POTEF: variants seen among roughly 807,000 people sequenced by gnomAD.
POTEF encodes POTE ankyrin domain family member F, also known as ANKRD26-like family C member 1B.
A neutral mutation model predicts 83.2 loss-of-function variants in POTEF; 20 were observed. The ratio of observed to expected loss-of-function variants is 0.24; its 90% CI spans 0.17 to 0.35. The LOEUF (loss-of-function observed/expected upper bound fraction) is 0.35, where lower values mean the gene tolerates loss of function less well. Among genes scored for constraint, POTEF ranks in the 10% least tolerant of loss-of-function variants. The probability of loss-of-function intolerance (pLI) is 1.00; values close to 1 mark genes in which losing one functional copy is unlikely to be tolerated. For synonymous variants in POTEF, 196 were observed against 446.4 expected, an observed-to-expected ratio of 0.44 and a Z score of 7.07; for missense variants, 550 against 1,203.2, an observed-to-expected ratio of 0.46 and a Z score of 8.03.
chr2:130,116,020 A>G (rs1434831947), intron 3 of POTEF, among the ~76,000 whole-genome samples: 2 of 152,106 alleles, frequency 1.3e-5, no homozygotes, highest in East Asian at 3.8e-4. Flanking sequence ...ATGAAGTAGA[A>G]TATGTTATAA....
In POTEF at chr2:130,074,607, G is replaced by A; in HGVS notation, c.2865C>T (p.Phe955=). The change falls in exon 17 of 17, where the codon TTC becomes TTT. Residue 955 remains phenylalanine, a synonymous_variant. Coordinates refer to ENST00000409914, the MANE Select transcript of POTEF (RefSeq NM_001099771.2). ...GCTGGAAGAGCGCCTCGGGGCAGCG[G>A]AACCGCTCGTTGCCGATGGTGATGA... is the stretch of plus-strand genomic sequence containing the variant. ...GQVITIGNER[F]RCPEALFQPC... 1 of 1,560,514 alleles carries A rather than the reference G, an allele frequency of 6.4e-7. No homozygotes were observed. Among genetic ancestry groups the A allele is most frequent in the Middle Eastern group, 2.2e-4 (1 of 4,464 alleles).
Position 130,073,937 on chromosome 2 carries a change from G to A in POTEF, c.*307C>T, listed in dbSNP as rs903759671. Reference sequence around the variant, plus strand: ...GGGCCATTCTCCTTAGAGAGAAGTGGGGTGGCTTTTAGCAGGGCAAGGGGC... The same window carrying A: ...GGGCCATTCTCCTTAGAGAGAAGTGAGGTGGCTTTTAGCAGGGCAAGGGGC... On this transcript the variant is annotated 3_prime_UTR_variant, in exon 17 of 17. Coordinates refer to ENST00000409914, the MANE Select transcript of POTEF (RefSeq NM_001099771.2). The A allele has an allele frequency of 8.0e-5, 43 of 538,212 alleles. No homozygotes were observed. In the African/African-American group the frequency reaches 8.0e-4, roughly 10 times the overall value. The allele number at this position is 538,212 out of a possible 1,614,324, so 33.3% of individuals were successfully genotyped here.
intron 8 of POTEF, among the ~76,000 whole-genome samples, chr2:130,102,680 A>G (rs1250052317): frequency 1.0e-4 from 15 of 150,532 alleles, no homozygotes; most frequent in Non-Finnish European, 4.4e-5. Context: ...AAAATCCTTT[A>G]CTGTCTCCCC....
intron 8 of POTEF, among the ~76,000 whole-genome samples, chr2:130,102,696 C>T (rs1229288990): frequency 6.6e-6 from 1 of 150,732 alleles, no homozygotes; most frequent in African/African-American, 2.5e-5. Flanking sequence ...TCCCCTTCCC[C>T]TCAGCATTCA....
At chr2:130,117,077 C>A (rs1684864375) in intron 3 of POTEF, among the ~76,000 whole-genome samples, 1 of 151,294 alleles carries the variant, frequency 6.6e-6, no homozygotes, top group African/African-American at 2.5e-5. Flanking sequence ...AAAGAAAACT[C>A]CTGTCGAGTA....
At chr2:130,101,035 A>C (rs1204529446) in intron 9 of POTEF, among the ~76,000 whole-genome samples, 1 of 143,322 alleles carries the variant, frequency 7.0e-6, no homozygotes. Context: ...TGTTTGGACT[A>C]AACTTAATTT....
chr2:130,120,695 C>G (rs1474037850), intron 2 of POTEF, 87 bp from the exon 3 acceptor site: 3 of 1,012,648 alleles, frequency 3.0e-6, no homozygotes, highest in Non-Finnish European at 2.8e-6. Flanking sequence ...CAGGGAAAAC[C>G]CACACCCACC....
At chr2:130,080,143 TGCGGGG>T (rs1311134690) in intron 15 of POTEF, among the ~76,000 whole-genome samples, 385 of 5,212 alleles carry the variant, frequency 0.074, 13 homozygotes, top group African/African-American at 0.24. Flanking sequence ...GCCAAACTAT[TGCGGGG>T]GGGGGGGGGG....
At position 130,075,192 on chromosome 2, in the gene POTEF, G is replaced by A; in HGVS notation, c.2280C>T (p.Ser760=). The change falls in exon 17 of 17, where the codon AGC becomes AGT. Residue 760 remains serine (S), a synonymous_variant. Transcript: ENST00000409914. ...ACTTCAGGGTCAGGATGCCTCTTTT[G>A]CTCTGGGCCTCCTTGCCCACATAGG... ...KESYVGKEAQ[S]KRGILTLKYP... 2 of 1,612,878 alleles carry A rather than the reference G, an allele frequency of 1.2e-6. No individual in the cohort carries two copies. Among genetic ancestry groups the A allele is most frequent in the East Asian group, 2.2e-5 (1 of 44,788 alleles).
chr2:130,112,257 G>A (rs1684735011), intron 5 of POTEF, among the ~76,000 whole-genome samples, 156 bp from the exon 6 acceptor site: 1 of 111,772 alleles, frequency 8.9e-6, no homozygotes, highest in African/African-American at 3.6e-5. Flanking sequence ...TTTCCCACAC[G>A]CTGCTCCTTC....
At chr2:130,093,147 TG>T (rs1684172891) in intron 12 of POTEF, among the ~76,000 whole-genome samples, 2 of 142,226 alleles carry the variant, frequency 1.4e-5, no homozygotes, top group Middle Eastern at 3.5e-3. Flanking sequence ...TAATGCCTGA[TG>T]ATCTGTCACT....
chr2:130,076,278 A>ATT (rs1375362823), intron 16 of POTEF, among the ~76,000 whole-genome samples: 1 of 140,230 alleles, frequency 7.1e-6, no homozygotes, highest in Non-Finnish European at 1.5e-5. Flanking sequence ...CAGATGCAGG[A>ATT]TTTTCCCCAG....
chr2:130,078,413 T>G (rs1683873892), intron 15 of POTEF, among the ~76,000 whole-genome samples: 1 of 86,584 alleles, frequency 1.2e-5, no homozygotes, highest in Admixed American at 1.6e-4. Context: ...GTGATCTATA[T>G]AAAGATAACT....
At chr2:130,128,444 T>C (rs918100676) in intron 1 of POTEF, among the ~76,000 whole-genome samples, 2 of 151,158 alleles carry the variant, frequency 1.3e-5, no homozygotes, top group African/African-American at 4.9e-5. Context: ...ACTGGCAGTA[T>C]AGCCCCCATA....
At position 130,075,113 on chromosome 2, in the gene POTEF, G is replaced by A. The variant is rs376041561; in HGVS notation, c.2359C>T (p.His787Tyr). ...CGCAGCTCGTTGTAGAAGGTGTGGT[G>A]CCAGATCTTCTCCATGTCATCCCAG... is the stretch of plus-strand genomic sequence containing the variant. ...TNWDDMEKIW[H>Y]HTFYNELRVA... is the part of the protein sequence containing the mutation. The change falls in exon 17 of 17, where the codon CAC becomes TAC. Residue 787 changes from histidine (H) to tyrosine (Y), a missense_variant. Coordinates refer to ENST00000409914, the MANE Select transcript of POTEF (RefSeq NM_001099771.2). The A allele has an allele frequency of 1.9e-6, 3 of 1,613,724 alleles. No individual in the cohort carries two copies. Among genetic ancestry groups the A allele is most frequent in the Admixed American group, 3.3e-5 (2 of 59,980 alleles).
At chr2:130,109,903 A>G (rs1294991690) in intron 7 of POTEF, among the ~76,000 whole-genome samples, 1 of 151,370 alleles carries the variant, frequency 6.6e-6, no homozygotes, top group Non-Finnish European at 1.5e-5. Context: ...GGCTGAGCAT[A>G]TAAGCATAGG....
chr2:130,121,027 C>T (rs1392972109), intron 2 of POTEF, among the ~76,000 whole-genome samples: 4 of 150,540 alleles, frequency 2.7e-5, no homozygotes, highest in Non-Finnish European at 5.9e-5. Context: ...CGTGCGCGTG[C>T]AAGCCGTTAC....
intron 2 of POTEF, among the ~76,000 whole-genome samples, chr2:130,122,693 T>A (rs1685024365): frequency 6.6e-6 from 1 of 151,482 alleles, no homozygotes; most frequent in African/African-American, 2.4e-5. Flanking sequence ...TTTGTCACTT[T>A]CAATTTCTTT....
At chr2:130,107,442 C>A (rs1382505092) in intron 8 of POTEF, among the ~76,000 whole-genome samples, 2 of 150,874 alleles carry the variant, frequency 1.3e-5, no homozygotes, top group East Asian at 3.9e-4. Flanking sequence ...TATGGTAGGA[C>A]CACGCAGAGC....
Sources: allele counts gnomAD v4.1 joint callset (sites outside exome capture counted in the v4.1 genomes callset), GRCh38; gene constraint gnomAD v4.1.1; transcripts MANE v1.5; gene names NCBI Gene and HGNC (gene_info 2026-07-23, HGNC 2026-07-21).